CLIC5: variants seen among roughly 807,000 people sequenced by gnomAD.
CLIC5 encodes the protein chloride intracellular channel protein 5.
In CLIC5, 20 loss-of-function variants were observed where a neutral mutation model predicts 24.7. The ratio of observed to expected loss-of-function variants is 0.81; its 90% CI spans 0.57 to 1.18. The LOEUF (loss-of-function observed/expected upper bound fraction) is 1.18, where lower values mean the gene tolerates loss of function less well. CLIC5 is among the 50% of genes most tolerant of loss of function. CLIC5 has a pLI of 0.00. For synonymous variants in CLIC5, 159 were observed against 135.6 expected (o/e 1.17, Z -1.20); for missense variants, 341 against 326.1 (o/e 1.05, Z -0.35).
chr6:45,936,291 G>A (rs139084539), intron 4 of CLIC5, among the ~76,000 whole-genome samples: 3,155 of 136,300 alleles, frequency 0.023, 122 homozygotes, highest in African/African-American at 0.083. Context: ...TGCAACCTCC[G>A]CCTCCCGGGT....
intron 1 of CLIC5, among the ~76,000 whole-genome samples, chr6:45,972,579 A>C (rs1336485594): frequency 6.6e-6 from 1 of 152,218 alleles, no homozygotes; most frequent in Non-Finnish European, 1.5e-5. Context: ...CTTGCTGCTC[A>C]AAGTAGGTCC....
chr6:45,915,577 C>A (rs1473082331), intron 4 of CLIC5, among the ~76,000 whole-genome samples: 1 of 152,172 alleles, frequency 6.6e-6, no homozygotes, highest in Non-Finnish European at 1.5e-5. Context: ...AAGGGCTCCA[C>A]CACAAATGTG....
At chr6:46,012,820 A>T (rs1341637255) in intron 1 of CLIC5, among the ~76,000 whole-genome samples, 1 of 152,230 alleles carries the variant, frequency 6.6e-6, no homozygotes, top group East Asian at 1.9e-4. Flanking sequence ...AAGTGCTCTG[A>T]CAGCGAGTCT....
At position 46,067,241 on chromosome 6, in the gene CLIC5, A is replaced by G. The variant is rs78986603; in HGVS notation, c.540+12462T>C. On this transcript the variant is annotated intron_variant, in intron 1 of 5. Coordinates refer to the CLIC5 transcript ENST00000185206. ...ACAACAAGCTCAGTGCCCCCACAGG[A>G]CACGGAGCTACCGAGATAAGAAACA... Among the ~76,000 whole-genome samples, 839 of 152,174 alleles carry G rather than the reference A, an allele frequency of 5.5e-3. 6 individuals carry two copies. Among genetic ancestry groups the G allele is most frequent in the African/African-American group, 0.018 (729 of 41,500 alleles).
intron 4 of CLIC5, among the ~76,000 whole-genome samples, chr6:45,936,710 C>A (rs1238261740): frequency 6.6e-6 from 1 of 152,078 alleles, no homozygotes; most frequent in Non-Finnish European, 1.5e-5. Context: ...GCAAGTTGAG[C>A]CATACACAGT....
intron 1 of CLIC5, among the ~76,000 whole-genome samples, chr6:46,026,094 G>A (rs1431402652): frequency 6.6e-6 from 1 of 152,152 alleles, no homozygotes; most frequent in African/African-American, 2.4e-5. Flanking sequence ...CCCTGGTATG[G>A]CATGAGCTCT....
At chr6:45,924,480 C>A (rs766692290) in intron 4 of CLIC5, among the ~76,000 whole-genome samples, 1 of 152,126 alleles carries the variant, frequency 6.6e-6, no homozygotes, top group Non-Finnish European at 1.5e-5. Flanking sequence ...AGTTGCACAG[C>A]TTTTACTACA....
intron 4 of CLIC5, among the ~76,000 whole-genome samples, chr6:45,940,629 A>G (rs1286303865): frequency 6.6e-6 from 1 of 152,142 alleles, no homozygotes; most frequent in Non-Finnish European, 1.5e-5. Context: ...ACAAAGATTC[A>G]TGGAGCACTT....
At chr6:45,948,706 C>G (rs566230521) in intron 3 of CLIC5, among the ~76,000 whole-genome samples, 1 of 152,258 alleles carries the variant, frequency 6.6e-6, no homozygotes, top group South Asian at 2.1e-4. Context: ...GAACTTATAG[C>G]TCTACGGTCT....
At chr6:45,936,619 G>A (rs1393357947) in intron 4 of CLIC5, among the ~76,000 whole-genome samples, 1 of 152,124 alleles carries the variant, frequency 6.6e-6, no homozygotes, top group African/African-American at 2.4e-5. Flanking sequence ...CAGAGTTGAA[G>A]TAACCTGTGC....
At chr6:46,096,759 C>G in the CLIC5 span, among the ~76,000 whole-genome samples, 1 of 152,286 alleles carries the variant, frequency 6.6e-6, no homozygotes, top group African/African-American at 2.4e-5. Flanking sequence ...TACACAACAA[C>G]AACAACAACA....
chr6:45,958,542 T>G (rs1764743670), intron 1 of CLIC5, among the ~76,000 whole-genome samples: 1 of 147,942 alleles, frequency 6.8e-6, no homozygotes, highest in African/African-American at 2.5e-5. Context: ...GCTATAATCC[T>G]AAAGTACTTC....
rs1282014960 is a variant in CLIC5, at chr6:46,029,082, A to G, written c.540+50621T>C. Among the ~76,000 whole-genome samples the G allele has an allele frequency of 1.3e-5, 2 of 152,196 alleles. 1 individual carries two copies. The highest frequency in any genetic ancestry group is 2.9e-5 in the Non-Finnish European group (2 of 68,024). On this transcript the variant is annotated intron_variant, in intron 1 of 5. Transcript: ENST00000185206. ...ATCCTACAGAATGAACCTTTTTCAG[A>G]CTGAATTCTTTAACTTAGTAATATA...
chr6:45,916,819 T>G (rs535618056), intron 4 of CLIC5, among the ~76,000 whole-genome samples: 1 of 152,328 alleles, frequency 6.6e-6, no homozygotes, highest in South Asian at 2.1e-4. Context: ...CCATGGAGCT[T>G]TCCAAGTCAG....
At chr6:45,958,334 G>A (rs1764713923) in intron 1 of CLIC5, among the ~76,000 whole-genome samples, 1 of 150,774 alleles carries the variant, frequency 6.6e-6, no homozygotes, top group Non-Finnish European at 1.5e-5. Flanking sequence ...CCAGAACTGT[G>A]AGAGAATCCG....
At chr6:45,958,271 A>G (rs1404157191) in intron 1 of CLIC5, among the ~76,000 whole-genome samples, 1 of 151,416 alleles carries the variant, frequency 6.6e-6, no homozygotes, top group Non-Finnish European at 1.5e-5. Context: ...AAAAGCTAGA[A>G]GAGACAAGTA....
intron 4 of CLIC5, chr6:45,914,610 C>G (rs1168961224): frequency 9.6e-7 from 1 of 1,044,310 alleles, no homozygotes; most frequent in Non-Finnish European, 1.2e-6. Context: ...CAAACTCTAA[C>G]CAAACAATAA....
At chr6:46,030,711 C>A (rs1199028416) in intron 1 of CLIC5, among the ~76,000 whole-genome samples, 2 of 152,182 alleles carry the variant, frequency 1.3e-5, no homozygotes, top group African/African-American at 2.4e-5. Flanking sequence ...CTGTTCCAAA[C>A]CTCCATGCCT....
the CLIC5 span, among the ~76,000 whole-genome samples, chr6:46,125,084 C>G: frequency 8.2e-4 from 125 of 152,252 alleles, no homozygotes; most frequent in African/African-American, 2.8e-3. Flanking sequence ...TAGGTATATA[C>G]CCAAAGGATT....
Sources: allele counts gnomAD v4.1 joint callset (sites outside exome capture counted in the v4.1 genomes callset), GRCh38; gene constraint gnomAD v4.1.1; transcripts MANE v1.5; gene names NCBI Gene and HGNC (gene_info 2026-07-23, HGNC 2026-07-21).